The following MRPS5 variants were observed in gnomAD, a reference collection of about 807,000 sequenced individuals.
MRPS5 encodes mitochondrial ribosomal protein S5, also known as small ribosomal subunit protein uS5m.
MRPS5 carries 27 observed loss-of-function variants against 51.9 expected under a neutral mutation model. That is an observed-to-expected ratio of 0.52 (90% CI 0.38 to 0.72). MRPS5 has a LOEUF of 0.72. MRPS5 is among the 30% of genes least tolerant of loss of function. The pLI is 0.00. For missense variants in MRPS5, 570 were observed against 545.7 expected (o/e 1.04, Z -0.44); for synonymous variants, 196 against 193.2 (o/e 1.01, Z -0.12).
intron 3 of MRPS5, among the ~76,000 whole-genome samples, chr2:95,112,806 C>T (rs1158094783): frequency 6.6e-6 from 1 of 151,858 alleles, no homozygotes; most frequent in Non-Finnish European, 1.5e-5. Context: ...AGATCGAGAC[C>T]ATCCTGGCTA....
chr2:95,117,146 G>GAAAAAA (rs879591863), intron 2 of MRPS5, among the ~76,000 whole-genome samples: 2 of 95,998 alleles, frequency 2.1e-5, no homozygotes, highest in South Asian at 6.9e-4. Context: ...ATCTCAAAAA[G>GAAAAAA]AAAAAAAAAA....
At chr2:95,120,115 A>G (rs1255216439) in intron 1 of MRPS5, among the ~76,000 whole-genome samples, 1 of 152,246 alleles carries the variant, frequency 6.6e-6, no homozygotes, top group Non-Finnish European at 1.5e-5. Context: ...CTAAGTATAT[A>G]CCCAACAGAA....
At chr2:95,104,231 GTTTTT>G in intron 7 of MRPS5, 1 of 160,176 alleles carries the variant, frequency 6.2e-6, no homozygotes, top group Non-Finnish European at 1.3e-5. Flanking sequence ...ACGTTTTTGT[GTTTTT>G]TTTTTTAACT....
chr2:95,110,432 G>A (rs913390226), intron 3 of MRPS5, among the ~76,000 whole-genome samples: 34 of 152,128 alleles, frequency 2.2e-4, no homozygotes, highest in African/African-American at 8.2e-4. Flanking sequence ...TCCTTCCTAA[G>A]TATAAGTTTT....
chr2:95,114,120 C>CAAA (rs1002543941), intron 3 of MRPS5, among the ~76,000 whole-genome samples: 4 of 43,034 alleles, frequency 9.3e-5, no homozygotes, highest in Non-Finnish European at 1.2e-4. Flanking sequence ...CTCCATCTCC[C>CAAA]AAAAAAAAAA....
At chr2:95,098,380 C>T (rs1675690328) in intron 10 of MRPS5, among the ~76,000 whole-genome samples, 1 of 152,166 alleles carries the variant, frequency 6.6e-6, no homozygotes, top group Non-Finnish European at 1.5e-5. Flanking sequence ...ACTATAAAGA[C>T]ACATGCACAC....
rs996056669 is a variant in MRPS5, at chr2:95,101,000, C to T, written c.811-106G>A. On this transcript the variant is annotated intron_variant, in intron 8 of 11. Coordinates refer to ENST00000272418, the MANE Select transcript of MRPS5 (RefSeq NM_031902.5). ...TGTTTCATTATCAAAAATTCACTTA[C>T]GCAAAAAGGTTAGTATATACTTCTA... 1.7e-4 allele frequency: 161 copies of T among 973,152 alleles called. 1 individual carries two copies. In the Admixed American group the frequency reaches 1.9e-3, roughly 12 times the overall value. 60.3% of individuals were successfully genotyped at this position (973,152 alleles called of 1,614,324 possible).
chr2:95,097,127 T>C (rs1344215353), intron 10 of MRPS5, among the ~76,000 whole-genome samples: 1 of 152,174 alleles, frequency 6.6e-6, no homozygotes, highest in African/African-American at 2.4e-5. Context: ...GAATCCAACT[T>C]ACAAAAGATG....
intron 10 of MRPS5, among the ~76,000 whole-genome samples, chr2:95,099,340 CATAT>C (rs1415951992): frequency 1.3e-5 from 2 of 151,810 alleles, no homozygotes; most frequent in Admixed American, 6.6e-5. Context: ...AAGCAGAAGC[CATAT>C]ATATAATTTC....
At chr2:95,105,387 A>G (rs1273293577) in intron 6 of MRPS5, among the ~76,000 whole-genome samples, 1 of 152,172 alleles carries the variant, frequency 6.6e-6, no homozygotes, top group Non-Finnish European at 1.5e-5. Flanking sequence ...CGTCTCAACT[A>G]AAAATACAAA....
At chr2:95,098,922 T>TTA (rs200145426) in intron 10 of MRPS5, among the ~76,000 whole-genome samples, 269 of 116,326 alleles carry the variant, frequency 2.3e-3, no homozygotes, top group African/African-American at 6.2e-3. Flanking sequence ...ATTATTATTA[T>TTA]TTTTTTTTTT....
At chr2:95,114,350 C>T (rs1366491378) in intron 3 of MRPS5, among the ~76,000 whole-genome samples, 2 of 151,320 alleles carry the variant, frequency 1.3e-5, no homozygotes, top group Non-Finnish European at 2.9e-5. Context: ...CTCCGCCTCC[C>T]GGGTTCACGC....
At chr2:95,088,994 G>A (rs1398618172) in intron 11 of MRPS5, among the ~76,000 whole-genome samples, 1 of 152,196 alleles carries the variant, frequency 6.6e-6, no homozygotes, top group East Asian at 1.9e-4. Context: ...TTGAACCCGT[G>A]AGGCGGAGGT....
At position 95,085,530 on chromosome 2, in the gene MRPS5, C is replaced by A. The variant is rs1295011195; in HGVS notation, c.*1827G>T. On this transcript the variant is annotated 3_prime_UTR_variant, in exon 12 of 12. Coordinates refer to ENST00000272418, the MANE Select transcript of MRPS5 (RefSeq NM_031902.5). ...ACCACACACAAAAAAAGGGGACCCA[C>A]CCACACCAGACAACGTCACAGGCTG... 6.6e-6 allele frequency among the ~76,000 whole-genome samples: 1 copy of A among 152,208 alleles called. No homozygotes were observed. The highest frequency in any genetic ancestry group is 1.9e-4 in the East Asian group (1 of 5,198).
At position 95,087,501 on chromosome 2, in the gene MRPS5, C is replaced by A. The variant is rs1675331139; in HGVS notation, c.1149G>T (p.Val383=). The change falls in exon 12 of 12, where the codon GTG becomes GTT. Residue 383 remains valine (V), a synonymous_variant. Transcript: ENST00000272418. ...TCAAGGGCCCCCGGGGGGACGCAACCACAATGGGCAGAGGGCCACATTCCT... is the reference window on the plus strand; with the variant it reads ...TCAAGGGCCCCCGGGGGGACGCAACAACAATGGGCAGAGGGCCACATTCCT... ...IREECGPLPI[V]VASPRGPLRK... 1 of 1,614,162 alleles carries A rather than the reference C, an allele frequency of 6.2e-7. No homozygotes were observed. The highest frequency in any genetic ancestry group is 8.5e-7 in the Non-Finnish European group (1 of 1,180,026).
At chr2:95,098,365 A>G (rs1675689710) in intron 10 of MRPS5, among the ~76,000 whole-genome samples, 1 of 152,232 alleles carries the variant, frequency 6.6e-6, no homozygotes, top group Non-Finnish European at 1.5e-5. Context: ...ATTATAAATC[A>G]TGCTACTATA....
chr2:95,115,767 A>G (rs921578475), intron 2 of MRPS5, among the ~76,000 whole-genome samples: 3 of 152,226 alleles, frequency 2.0e-5, no homozygotes, highest in African/African-American at 7.2e-5. Context: ...GTTCCCTCTT[A>G]GCTCACTTAA....
chr2:95,099,427 A>G (rs1262220405), intron 10 of MRPS5, among the ~76,000 whole-genome samples: 1 of 152,186 alleles, frequency 6.6e-6, no homozygotes, highest in South Asian at 2.1e-4. Flanking sequence ...TATTAACCCA[A>G]TATGTCCAAA....
chr2:95,085,544 C>T lies in MRPS5; in HGVS notation c.*1813G>A, dbSNP rs965583036. Among the ~76,000 whole-genome samples the T allele has an allele frequency of 4.6e-5, 7 of 152,196 alleles. No homozygotes were observed. In the East Asian group the frequency reaches 5.8e-4, roughly 13 times the overall value. ...AAGGGGACCCACCCACACCAGACAACGTCACAGGCTGAAAACTTTCACCAT... is the reference window on the plus strand; with the variant it reads ...AAGGGGACCCACCCACACCAGACAATGTCACAGGCTGAAAACTTTCACCAT... On this transcript the variant is annotated 3_prime_UTR_variant, in exon 12 of 12. Transcript: ENST00000272418.
Sources: allele counts gnomAD v4.1 joint callset (sites outside exome capture counted in the v4.1 genomes callset), GRCh38; gene constraint gnomAD v4.1.1; transcripts MANE v1.5; gene names NCBI Gene and HGNC (gene_info 2026-07-23, HGNC 2026-07-21).